The following ADRA1A variants were observed in gnomAD, a reference collection of about 807,000 sequenced individuals.
The protein encoded by ADRA1A is adrenoceptor alpha 1A, also known as alpha-1A adrenergic receptor.
A neutral mutation model predicts 29.6 loss-of-function variants in ADRA1A; 31 were observed. The ratio of observed to expected loss-of-function variants is 1.05; its 90% CI spans 0.79 to 1.41. ADRA1A has a LOEUF of 1.41. Among genes scored for constraint, ADRA1A ranks in the 40% most tolerant of loss-of-function variants. The pLI is 0.00. For synonymous variants in ADRA1A, 311 were observed against 254.3 expected (o/e 1.22, Z -2.12); for missense variants, 619 against 601.1 (o/e 1.03, Z -0.31).
chr8:26,812,907 C>T (rs1305847863), intron 2 of ADRA1A, among the ~76,000 whole-genome samples: 2 of 151,952 alleles, frequency 1.3e-5, no homozygotes, highest in Admixed American at 1.3e-4. Context: ...ACCTTGTGAT[C>T]CGCCCACCTT....
chr8:26,761,590 C>T (rs1227968956), downstream of ADRA1A, among the ~76,000 whole-genome samples: 5 of 152,320 alleles, frequency 3.3e-5, no homozygotes, highest in East Asian at 9.7e-4. Context: ...ATCTACAAGT[C>T]AAGGAGAGAT....
At chr8:26,766,055 C>G, downstream of ADRA1A, 1 of 1,613,668 alleles carries the variant, frequency 6.2e-7, no homozygotes, top group Non-Finnish European at 8.5e-7. Context: ...TGGAGATCAG[C>G]ATTCTGAACC....
intron 2 of ADRA1A, among the ~76,000 whole-genome samples, chr8:26,779,827 C>T (rs779082124): frequency 2.0e-5 from 3 of 152,094 alleles, no homozygotes; most frequent in African/African-American, 2.4e-5. Flanking sequence ...GGCTGCTGGT[C>T]GCGTCAGAAC....
At chr8:26,820,693 C>G (rs1210381095) in intron 2 of ADRA1A, among the ~76,000 whole-genome samples, 1 of 152,140 alleles carries the variant, frequency 6.6e-6, no homozygotes, top group Non-Finnish European at 1.5e-5. Context: ...AATATGCGAG[C>G]ATTGTTAGAC....
In ADRA1A at chr8:26,864,448, G is replaced by T; in HGVS notation, c.522C>A (p.Thr174=). ...CCGGCTCCTCGTTGATCTGGCAGAT[G>T]GTCTCGTCCTCGGGGGCCGGCTGCC... ...GWRQPAPEDE[T]ICQINEEPGY... Residue 174 remains threonine, a synonymous_variant, in exon 2 of 3, where the codon ACC becomes ACA. Transcript: ENST00000380573. The surrounding 1 kb of genome is among the most constrained non-coding windows in gnomAD (Gnocchi z 8.1). 6.2e-7 allele frequency: 1 copy of T among 1,613,492 alleles called. No individual in the cohort carries two copies. The highest frequency in any genetic ancestry group is 1.1e-5 in the South Asian group (1 of 91,084).
chr8:26,760,339 A>G (rs142951782), intron 2 of ADRA1A, among the ~76,000 whole-genome samples: 54 of 152,314 alleles, frequency 3.5e-4, no homozygotes, highest in African/African-American at 1.1e-3. Flanking sequence ...CATTGTGCTC[A>G]TGAAGGCTTA....
At chr8:26,780,142 C>G (rs1428464433) in intron 2 of ADRA1A, among the ~76,000 whole-genome samples, 1 of 151,412 alleles carries the variant, frequency 6.6e-6, no homozygotes, top group East Asian at 2.0e-4. Flanking sequence ...TTGGTTCCAC[C>G]AGCCCTACAC....
In ADRA1A at chr8:26,770,020, C is replaced by T. The variant is rs983119065; in HGVS notation, c.*129G>A. The T allele has an allele frequency of 2.0e-6, 3 of 1,475,072 alleles. No individual in the cohort carries two copies. The highest frequency in any genetic ancestry group is 2.3e-5 in the East Asian group (1 of 43,588). The allele number at this position is 1,475,072 out of a possible 1,614,324, so 91.4% of individuals were successfully genotyped here. On this transcript the variant is annotated 3_prime_UTR_variant, in exon 3 of 3. Transcript: ENST00000380573. Reference sequence around the variant, plus strand: ...GCTGCCTGATGAGTTGGGTCTACCACCCACCCCATTCCCAGCAGGTCCCCT... The same window carrying T: ...GCTGCCTGATGAGTTGGGTCTACCATCCACCCCATTCCCAGCAGGTCCCCT...
intron 2 of ADRA1A, among the ~76,000 whole-genome samples, chr8:26,827,365 G>A (rs1263423543): frequency 6.6e-6 from 1 of 152,222 alleles, no homozygotes; most frequent in Non-Finnish European, 1.5e-5. Flanking sequence ...TTAGTGACAT[G>A]TGATACTTAC....
chr8:26,841,295 A>G lies in ADRA1A; in HGVS notation c.883+22792T>C, dbSNP rs957564128. On this transcript the variant is annotated intron_variant, in intron 2 of 2. Coordinates refer to ENST00000380573, the MANE Select transcript of ADRA1A (RefSeq NM_000680.4). The surrounding 1 kb of genome is among the most constrained non-coding windows in gnomAD (Gnocchi z 4.4). ...AGGTTGGCTTCAAGTGACCGTTCCA[A>G]TCTCAGAGGACCACAGTCTCAAGGC... Among the ~76,000 whole-genome samples, 1 of 152,134 alleles carries G rather than the reference A, an allele frequency of 6.6e-6. No homozygotes were observed. The highest frequency in any genetic ancestry group is 2.4e-5 in the African/African-American group (1 of 41,426).
chr8:26,833,696 C>T (rs1215657654), intron 2 of ADRA1A, among the ~76,000 whole-genome samples: 6 of 152,222 alleles, frequency 3.9e-5, no homozygotes, highest in Non-Finnish European at 7.3e-5. Context: ...ACAATTCATT[C>T]GGCTTGCATA....
At chr8:26,756,084 G>A (rs1483976074), downstream of ADRA1A, among the ~76,000 whole-genome samples, 1 of 152,058 alleles carries the variant, frequency 6.6e-6, no homozygotes. Flanking sequence ...CCCACTTTTG[G>A]CAATAAAACT....
rs926626544 is a variant in ADRA1A at position 26,787,946 on chromosome 8, G to A, written c.884-17280C>T. Among the ~76,000 whole-genome samples the A allele has an allele frequency of 6.6e-6, 1 of 151,696 alleles. No individual in the cohort carries two copies. The highest frequency in any genetic ancestry group is 1.5e-5 in the Non-Finnish European group (1 of 67,970). Reference sequence around the variant, plus strand: ...TTTAACATTTGGGGATAATTTCCAAGGTCAGAAACCGGACATTGAGTACAT... The same window carrying A: ...TTTAACATTTGGGGATAATTTCCAAAGTCAGAAACCGGACATTGAGTACAT... On this transcript the variant is annotated intron_variant, in intron 2 of 2. Coordinates refer to ENST00000380573, the MANE Select transcript of ADRA1A (RefSeq NM_000680.4). This position sits in a 1 kb window ranked among gnomAD's most constrained non-coding sequence, Gnocchi z 4.2.
chr8:26,820,235 A>G (rs1465256837), intron 2 of ADRA1A, among the ~76,000 whole-genome samples: 1 of 152,248 alleles, frequency 6.6e-6, no homozygotes, highest in African/African-American at 2.4e-5. Flanking sequence ...ATTATACTAC[A>G]TACCAAATGC....
rs141672591 is a variant in ADRA1A, at chr8:26,850,025, C to CAAAAAAAAAAAACA, written c.883+14061_883+14062insTGTTTTTTTTTTTT. 2.3e-3 allele frequency among the ~76,000 whole-genome samples: 278 copies of CAAAAAAAAAAAACA among 121,552 alleles called. 2 individuals carry two copies. Among genetic ancestry groups the CAAAAAAAAAAAACA allele is most frequent in the African/African-American group, 7.2e-3 (225 of 31,302 alleles). 79.7% of individuals were successfully genotyped at this position (121,552 alleles called of 152,430 possible). A position where few individuals can be genotyped will look rare whatever the true frequency, so the allele number is the denominator to read the frequency against. ...AAAAGTGACTAATGAGAGAGAAATG[C>CAAAAAAAAAAAACA]AAAAACAAAAAACAAAAAACAAAAA... On this transcript the variant is annotated intron_variant, in intron 2 of 2. Coordinates refer to ENST00000380573, the MANE Select transcript of ADRA1A (RefSeq NM_000680.4).
At chr8:26,833,215 C>T (rs773035095) in intron 2 of ADRA1A, among the ~76,000 whole-genome samples, 4 of 152,136 alleles carry the variant, frequency 2.6e-5, no homozygotes, top group Non-Finnish European at 5.9e-5. Context: ...ACAGACAAGA[C>T]TCTCAGCCTG....
At position 26,831,047 on chromosome 8, in the gene ADRA1A, T is replaced by C. The variant is rs1319157420; in HGVS notation, c.883+33040A>G. ...GACTTTGGGGGACTGAGGTCTTTTA[T>C]AGTTAAAGAAATATACTTAGGAGAT... On this transcript the variant is annotated intron_variant, in intron 2 of 2. Transcript: ENST00000380573. The surrounding 1 kb of genome is among the most constrained non-coding windows in gnomAD (Gnocchi z 5.2). Among the ~76,000 whole-genome samples the C allele has an allele frequency of 1.3e-5, 2 of 152,198 alleles. No homozygotes were observed. The highest frequency in any genetic ancestry group is 3.2e-3 in the Middle Eastern group (1 of 316).
chr8:26,796,040 A>G lies in ADRA1A; in HGVS notation c.884-25374T>C, dbSNP rs539068428. Among the ~76,000 whole-genome samples the G allele has an allele frequency of 1.3e-5, 2 of 152,298 alleles. No individual in the cohort carries two copies. The highest frequency in any genetic ancestry group is 4.1e-4 in the South Asian group (2 of 4,834). On this transcript the variant is annotated intron_variant, in intron 2 of 2. Coordinates refer to ENST00000380573, the MANE Select transcript of ADRA1A (RefSeq NM_000680.4). This position sits in a 1 kb window ranked among gnomAD's most constrained non-coding sequence, Gnocchi z 5.0. ...AATTATTGTCAGCTTTTGTTTAGAT[A>G]TAATAGTATTATTGTTATACATTTC...
Position 26,810,571 on chromosome 8 carries a change from A to G in ADRA1A, c.884-39905T>C, listed in dbSNP as rs185594366. On this transcript the variant is annotated intron_variant, in intron 2 of 2. Transcript: ENST00000380573. ...CTTTAAGTAACAATATCCCACTGCT[A>G]TGTCACACTAGTGAGGCAGCTCTGG... Among the ~76,000 whole-genome samples the G allele has an allele frequency of 2.6e-5, 4 of 152,384 alleles. No individual in the cohort carries two copies. In the East Asian group the frequency reaches 7.7e-4, roughly 29 times the overall value.
Sources: allele counts gnomAD v4.1 joint callset (sites outside exome capture counted in the v4.1 genomes callset), GRCh38; gene constraint gnomAD v4.1.1; non-coding constraint Gnocchi (gnomAD v3.1); transcripts MANE v1.5; gene names NCBI Gene and HGNC (gene_info 2026-07-23, HGNC 2026-07-21).